Variants in SLC5A12 observed in about 807,000 individuals in gnomAD.
SLC5A12 encodes sodium-coupled monocarboxylate transporter 2.
SLC5A12 carries 46 observed loss-of-function variants against 72.7 expected under a neutral mutation model. The observed-to-expected ratio is 0.63, with a 90% CI of 0.50 to 0.81. SLC5A12 has a LOEUF of 0.81. Ranked by LOEUF, SLC5A12 falls within the 30% of genes least tolerant of loss-of-function variation. SLC5A12 has a pLI of 0.00. For synonymous variants in SLC5A12, 275 were observed against 264.4 expected, an observed-to-expected ratio of 1.04 and a Z score of -0.39; for missense variants, 683 against 740.7, an observed-to-expected ratio of 0.92 and a Z score of 0.90.
chr11:26,720,717 T>A (rs1855460276), intron 1 of SLC5A12, among the ~76,000 whole-genome samples: 1 of 152,222 alleles, frequency 6.6e-6, no homozygotes, highest in South Asian at 2.1e-4. Flanking sequence ...ATGTCTTCAT[T>A]GAGAATCATT....
rs1249105461 is a variant in SLC5A12 at position 26,721,874 on chromosome 11, C to G, written c.-160G>C. On this transcript the variant is annotated 5_prime_UTR_variant, in exon 1 of 15. Transcript: ENST00000396005. ...AGGCACTCGTGTGAATCTTCAGACA[C>G]CAACGTGTACTTAGTGAAGATCTCA... 1 of 661,454 alleles carries G rather than the reference C, an allele frequency of 1.5e-6. No individual in the cohort carries two copies. The highest frequency in any genetic ancestry group is 1.8e-5 in the African/African-American group (1 of 55,614). The allele number at this position is 661,454 out of a possible 1,614,324, so 41.0% of individuals were successfully genotyped here. A position where few individuals can be genotyped will look rare whatever the true frequency, so the allele number is the denominator to read the frequency against.
intron 4 of SLC5A12, among the ~76,000 whole-genome samples, chr11:26,708,476 G>A (rs192250649): frequency 2.0e-4 from 30 of 152,108 alleles, no homozygotes; most frequent in African/African-American, 7.2e-4. Context: ...TATATAATTG[G>A]AATAGATGTT....
At chr11:26,707,461 T>G (rs1406701405) in intron 4 of SLC5A12, among the ~76,000 whole-genome samples, 1 of 152,042 alleles carries the variant, frequency 6.6e-6, no homozygotes, top group Non-Finnish European at 1.5e-5. Context: ...TAGACCTTCT[T>G]ATTTTGTCCA....
rs755388486 is a variant in SLC5A12, at chr11:26,712,628, C to CA, written c.405+12dup. On this transcript the variant is annotated intron_variant, in intron 2 of 14. Coordinates refer to ENST00000396005, the MANE Select transcript of SLC5A12 (RefSeq NM_178498.4). The stretch of plus-strand genomic sequence containing the variant: ...TCACAGTTTCCACATCTGCAGCAGC[C>CA]ATGACCACTTACCGTCTGTACAATG... 1.3e-6 allele frequency: 2 copies of CA among 1,520,076 alleles called. No homozygotes were observed. Among genetic ancestry groups the CA allele is most frequent in the South Asian group, 2.6e-5 (2 of 76,978 alleles). The allele number at this position is 1,520,076 out of a possible 1,614,324, so 94.2% of individuals were successfully genotyped here. A position where few individuals can be genotyped will look rare whatever the true frequency, so the allele number is the denominator to read the frequency against.
chr11:26,685,078 G>A (rs1174567861), intron 10 of SLC5A12, among the ~76,000 whole-genome samples: 1 of 152,122 alleles, frequency 6.6e-6, no homozygotes, highest in African/African-American at 2.4e-5. Context: ...TGTCCCACAA[G>A]TTCTTTTATG....
intron 9 of SLC5A12, 46 bp downstream of exon 9, chr11:26,692,441 CAT>C (rs1442712014): frequency 1.6e-6 from 2 of 1,270,106 alleles, no homozygotes; most frequent in African/African-American, 2.9e-5. Flanking sequence ...ACATCTACCA[CAT>C]GTACATTTCA....
At chr11:26,673,621 CT>C (rs1854197552) in intron 13 of SLC5A12, 92 bp from the exon 14 acceptor site, 2 of 1,426,184 alleles carry the variant, frequency 1.4e-6, no homozygotes, top group Non-Finnish European at 1.8e-6. Context: ...AAGTAGGTTG[CT>C]TTTTAGAATA....
intron 10 of SLC5A12, among the ~76,000 whole-genome samples, chr11:26,685,633 A>T (rs7939659): frequency 6.6e-6 from 1 of 151,522 alleles, no homozygotes; most frequent in African/African-American, 2.4e-5. Context: ...CAAAAAAACA[A>T]AAAAACCCAC....
chr11:26,691,452 T>C (rs1854670011), intron 9 of SLC5A12, among the ~76,000 whole-genome samples: 1 of 145,768 alleles, frequency 6.9e-6, no homozygotes, highest in Non-Finnish European at 1.5e-5. Context: ...CAGTCGAAGG[T>C]TTATGTACAT....
intron 13 of SLC5A12, among the ~76,000 whole-genome samples, chr11:26,678,147 T>G (rs1854307249): frequency 6.6e-6 from 1 of 152,178 alleles, no homozygotes; most frequent in African/African-American, 2.4e-5. Flanking sequence ...GTTTTGCTTT[T>G]CTAGTAAGTT....
chr11:26,691,953 T>C (rs1427245532), intron 9 of SLC5A12: 1 of 152,192 alleles, frequency 6.6e-6, no homozygotes, highest in Non-Finnish European at 1.5e-5. Context: ...GCACAACATC[T>C]TCCCATGTAG....
intron 9 of SLC5A12, among the ~76,000 whole-genome samples, chr11:26,689,665 A>T (rs552763820): frequency 1.0e-3 from 158 of 151,692 alleles, no homozygotes; most frequent in Non-Finnish European, 1.1e-3. Flanking sequence ...TTATAGGTGA[A>T]TTTTTTTTTA....
intron 10 of SLC5A12, among the ~76,000 whole-genome samples, chr11:26,685,954 AC>A (rs1279148035): frequency 6.6e-6 from 1 of 152,150 alleles, no homozygotes. Context: ...TCCCAGTTCT[AC>A]CACTCTTTAA....
At chr11:26,684,813 T>G (rs566467629) in intron 10 of SLC5A12, among the ~76,000 whole-genome samples, 77 of 152,310 alleles carry the variant, frequency 5.1e-4, no homozygotes, top group African/African-American at 1.7e-3. Context: ...AAATCACCAG[T>G]TGGACATGAT....
chr11:26,680,108 T>G (rs1854357757), intron 12 of SLC5A12, among the ~76,000 whole-genome samples: 1 of 151,386 alleles, frequency 6.6e-6, no homozygotes, highest in Admixed American at 6.6e-5. Context: ...AAGCCTGGAC[T>G]CAGAGGGAAT....
rs776936765 is a variant in SLC5A12 at position 26,681,103 on chromosome 11, C to T, written c.1427G>A (p.Cys476Tyr). The T allele has an allele frequency of 3.7e-6, 6 of 1,610,444 alleles. No homozygotes were observed. The highest frequency in any genetic ancestry group is 4.2e-6 in the Non-Finnish European group (5 of 1,178,210). The change falls in exon 12 of 15, where the codon TGT becomes TAT. Residue 476 changes from cysteine (C) to tyrosine (Y), a missense_variant. Transcript: ENST00000396005. The stretch of plus-strand genomic sequence containing the variant: ...TGTTGCTGTCACATTTGATTTGATA[C>T]ATTGGTCTGTTGACAGAGGCAAAGG... Reference protein sequence around the residue: ...TWPLPLSTDQCIKSNVTATGP... With the variant: ...TWPLPLSTDQYIKSNVTATGP...
intron 14 of SLC5A12, among the ~76,000 whole-genome samples, chr11:26,671,808 T>C (rs1854150913): frequency 6.6e-6 from 1 of 152,178 alleles, no homozygotes; most frequent in Non-Finnish European, 1.5e-5. Context: ...TCTATCTTCC[T>C]GAGTCTGCAA....
At chr11:26,680,115 G>T (rs776784171) in intron 12 of SLC5A12, among the ~76,000 whole-genome samples, 3 of 151,414 alleles carry the variant, frequency 2.0e-5, no homozygotes, top group Non-Finnish European at 4.4e-5. Context: ...GACTCAGAGG[G>T]AATGAGCCAG....
At chr11:26,680,245 G>A (rs1357013322) in intron 12 of SLC5A12, among the ~76,000 whole-genome samples, 1 of 138,918 alleles carries the variant, frequency 7.2e-6, no homozygotes, top group African/African-American at 2.6e-5. Flanking sequence ...ATTAGAATGT[G>A]AGAGTGAACA....
Sources: gnomAD v4.1 joint callset for allele counts (sites outside exome capture counted in the v4.1 genomes callset) on GRCh38, gnomAD v4.1.1 for gene constraint, MANE v1.5 for transcripts, NCBI Gene and HGNC (gene_info 2026-07-23, HGNC 2026-07-21) for gene names.